Variants in SPOCK3 observed in about 807,000 individuals in gnomAD.
The protein encoded by SPOCK3 is testican-3.
A neutral mutation model predicts 56.6 loss-of-function variants in SPOCK3; 30 were observed. That is an observed-to-expected ratio of 0.53 (90% confidence interval 0.40 to 0.72). The LOEUF (loss-of-function observed/expected upper bound fraction) is 0.72. Ranked by LOEUF, SPOCK3 falls within the 30% of genes least tolerant of loss-of-function variation. The pLI is 0.00. For synonymous variants in SPOCK3, 196 were observed against 183.3 expected, an observed-to-expected ratio of 1.07 and a Z score of -0.56; for missense variants, 527 against 530.0, an observed-to-expected ratio of 0.99 and a Z score of 0.06.
intron 7 of SPOCK3, among the ~76,000 whole-genome samples, chr4:166,778,176 C>T (rs1237972023): frequency 1.3e-5 from 2 of 152,134 alleles, no homozygotes; most frequent in Non-Finnish European, 2.9e-5. Context: ...AGCTATCAAA[C>T]ATAAATATTT....
chr4:166,929,009 G>A lies in SPOCK3; in HGVS notation c.351-16266C>T, dbSNP rs1739430350. 2.0e-5 allele frequency among the ~76,000 whole-genome samples: 3 copies of A among 152,124 alleles called. No individual in the cohort carries two copies. In the South Asian group the frequency reaches 6.2e-4, roughly 32 times the overall value. ...CAACAACAAAAACTATGGACTTTGA[G>A]TGATAATAATGTGTCAGTATAGGTT... On this transcript the variant is annotated intron_variant, in intron 4 of 10. Coordinates refer to ENST00000357545, the MANE Select transcript of SPOCK3 (RefSeq NM_001040159.2).
intron 2 of SPOCK3, among the ~76,000 whole-genome samples, chr4:167,100,487 T>A (rs201097759): frequency 2.4e-4 from 35 of 147,700 alleles, no homozygotes; most frequent in East Asian, 5.9e-4. Flanking sequence ...TCTCTCTCTC[T>A]CACACACACA....
chr4:166,846,322 A>C (rs1748058631), intron 6 of SPOCK3, among the ~76,000 whole-genome samples: 1 of 152,180 alleles, frequency 6.6e-6, no homozygotes, highest in South Asian at 2.1e-4. Flanking sequence ...TTTAAGTGAC[A>C]GATTCATATT....
At chr4:167,110,288 C>T (rs1013745265) in intron 2 of SPOCK3, among the ~76,000 whole-genome samples, 2 of 151,968 alleles carry the variant, frequency 1.3e-5, no homozygotes, top group African/African-American at 4.8e-5. Context: ...CCCATCTTTC[C>T]TCAGGTTATG....
At chr4:167,137,994 A>G (rs1048474269) in intron 2 of SPOCK3, among the ~76,000 whole-genome samples, 2 of 151,846 alleles carry the variant, frequency 1.3e-5, no homozygotes, top group Non-Finnish European at 2.9e-5. Context: ...ACATTTTAAT[A>G]TCTAACATTT....
chr4:167,160,328 T>C (rs1765183620), intron 2 of SPOCK3, among the ~76,000 whole-genome samples: 1 of 151,996 alleles, frequency 6.6e-6, no homozygotes, highest in African/African-American at 2.4e-5. Flanking sequence ...GGAATCCAAC[T>C]TAAAAGGGAT....
At chr4:166,940,899 T>C (rs1318637807) in intron 4 of SPOCK3, among the ~76,000 whole-genome samples, 3 of 150,260 alleles carry the variant, frequency 2.0e-5, no homozygotes, top group African/African-American at 7.3e-5. Context: ...TCCCGAGTGC[T>C]GATCTTTGCT....
intron 4 of SPOCK3, among the ~76,000 whole-genome samples, chr4:166,937,925 G>T (rs1167142453): frequency 7.9e-6 from 1 of 126,432 alleles, no homozygotes; most frequent in Non-Finnish European, 1.7e-5. Context: ...CACCACGCCC[G>T]GCTAATCTCT....
intron 6 of SPOCK3, among the ~76,000 whole-genome samples, chr4:166,831,883 C>T (rs148886465): frequency 2.0e-5 from 3 of 151,336 alleles, no homozygotes; most frequent in Non-Finnish European, 4.4e-5. Context: ...TGACTGCTCG[C>T]GTGTCTTCTT....
intron 2 of SPOCK3, among the ~76,000 whole-genome samples, chr4:167,177,077 G>A (rs1731049403): frequency 6.6e-6 from 1 of 152,100 alleles, no homozygotes; most frequent in African/African-American, 2.4e-5. Flanking sequence ...TGAAAAGTGT[G>A]TGCCAAGTTC....
chr4:166,895,571 T>C (rs1354417923), intron 5 of SPOCK3, among the ~76,000 whole-genome samples: 1 of 152,200 alleles, frequency 6.6e-6, no homozygotes, highest in Non-Finnish European at 1.5e-5. Context: ...AATACTGAAG[T>C]GTGATAGCTT....
chr4:167,166,897 CTGAG>C (rs1484646439), intron 2 of SPOCK3, among the ~76,000 whole-genome samples: 1 of 152,034 alleles, frequency 6.6e-6, no homozygotes, highest in Non-Finnish European at 1.5e-5. Flanking sequence ...AAGAAAGAAA[CTGAG>C]TCTTTTCATA....
At chr4:167,198,007 T>C (rs574173672) in intron 2 of SPOCK3, among the ~76,000 whole-genome samples, 1 of 152,072 alleles carries the variant, frequency 6.6e-6, no homozygotes, top group Admixed American at 6.5e-5. Flanking sequence ...GAGTGTGCCT[T>C]CTATTCTTTT....
chr4:167,017,711 T>C (rs1750758957), intron 3 of SPOCK3, among the ~76,000 whole-genome samples: 1 of 152,112 alleles, frequency 6.6e-6, no homozygotes, highest in African/African-American at 2.4e-5. Flanking sequence ...TGACCGTTTG[T>C]ATATGAATGT....
intron 3 of SPOCK3, among the ~76,000 whole-genome samples, chr4:167,012,755 G>A (rs1462196557): frequency 6.6e-6 from 1 of 151,932 alleles, no homozygotes; most frequent in African/African-American, 2.4e-5. Flanking sequence ...ACTTTAACAT[G>A]ATTTTAAAAT....
chr4:167,147,320 C>A (rs961982319), intron 2 of SPOCK3, among the ~76,000 whole-genome samples: 1 of 152,030 alleles, frequency 6.6e-6, no homozygotes, highest in African/African-American at 2.4e-5. Context: ...AATTAATAGC[C>A]TCCCAACCAA....
intron 6 of SPOCK3, among the ~76,000 whole-genome samples, chr4:166,851,192 T>C (rs13108440): frequency 0.74 from 113,168 of 152,028 alleles, 42,187 homozygotes; most frequent in East Asian, 0.81. Flanking sequence ...TGGGAGGCAC[T>C]CCCTAGCAGG....
At chr4:166,766,084 T>G (rs1737995198) in intron 7 of SPOCK3, among the ~76,000 whole-genome samples, 1 of 152,208 alleles carries the variant, frequency 6.6e-6, no homozygotes, top group South Asian at 2.1e-4. Flanking sequence ...AAGGGGATTT[T>G]GGGCTGAGAT....
At chr4:166,990,088 G>A (rs1747609129) in intron 4 of SPOCK3, among the ~76,000 whole-genome samples, 2 of 152,188 alleles carry the variant, frequency 1.3e-5, no homozygotes, top group Admixed American at 1.3e-4. Context: ...GTCAGGGCTA[G>A]TGGGAAGAGC....
Sources: gnomAD v4.1 joint callset for allele counts (sites outside exome capture counted in the v4.1 genomes callset) on GRCh38, gnomAD v4.1.1 for gene constraint, MANE v1.5 for transcripts, NCBI Gene and HGNC (gene_info 2026-07-23, HGNC 2026-07-21) for gene names.